Variants in MTOR observed in about 807,000 individuals in gnomAD.
The protein encoded by MTOR is mechanistic target of rapamycin kinase.
MTOR carries 70 observed loss-of-function variants against 319.8 expected under a neutral mutation model. That is an observed-to-expected ratio of 0.22 (90% CI 0.18 to 0.27). The LOEUF (loss-of-function observed/expected upper bound fraction) is 0.27. Ranked by LOEUF, MTOR falls within the 10% of genes least tolerant of loss-of-function variation. The pLI is 1.00. For synonymous variants in MTOR, 1,183 were observed against 1,211.4 expected, an observed-to-expected ratio of 0.98 and a Z score of 0.49; for missense variants, 1,890 against 3,274.4, an observed-to-expected ratio of 0.58 and a Z score of 10.32.
intron 37 of MTOR, among the ~76,000 whole-genome samples, chr1:11,134,143 G>A (rs1300598397): frequency 6.6e-6 from 1 of 152,196 alleles, no homozygotes; most frequent in Admixed American, 6.5e-5. Flanking sequence ...CAGCACATGG[G>A]TGCTCTTGGG....
At position 11,121,869 on chromosome 1, in the gene MTOR, T is replaced by A; in HGVS notation, c.6810+110A>T. 1 of 1,413,198 alleles carries A rather than the reference T, an allele frequency of 7.1e-7. No homozygotes were observed. The highest frequency in any genetic ancestry group is 9.6e-7 in the Non-Finnish European group (1 of 1,044,978). The allele number at this position is 1,413,198 out of a possible 1,614,324, so 87.5% of individuals were successfully genotyped here. Reference sequence around the variant, plus strand: ...ATTAAACCTTCTTCAAAGCTGATTCTCTCAAAGAGATTTTTCAGTGACAGA... The same window carrying A: ...ATTAAACCTTCTTCAAAGCTGATTCACTCAAAGAGATTTTTCAGTGACAGA... On this transcript the variant is annotated intron_variant, in intron 48 of 57. Coordinates refer to ENST00000361445, the MANE Select transcript of MTOR (RefSeq NM_004958.4). This position sits in a 1 kb window ranked among gnomAD's most constrained non-coding sequence, Gnocchi z 4.9.
intron 17 of MTOR, 40 bp from the exon 18 acceptor site, chr1:11,231,094 A>C: frequency 6.2e-7 from 1 of 1,613,978 alleles, no homozygotes; most frequent in Non-Finnish European, 8.5e-7. Context: ...AACATTCATC[A>C]CAACATGATT....
chr1:11,111,038 A>G (rs988795901), intron 54 of MTOR: 1 of 446,586 alleles, frequency 2.2e-6, no homozygotes, highest in African/African-American at 2.0e-5. Flanking sequence ...TCCCCCAGAG[A>G]CTGTGTGTCC....
intron 25 of MTOR, among the ~76,000 whole-genome samples, chr1:11,206,183 C>T (rs1227746795): frequency 1.3e-5 from 2 of 152,222 alleles, no homozygotes; most frequent in African/African-American, 4.8e-5. Context: ...TCCTTTCCTG[C>T]CCACAGATAC....
chr1:11,233,390 C>T lies in MTOR; in HGVS notation c.2421+8G>A, dbSNP rs1336287989. 1 of 1,613,160 alleles carries T rather than the reference C, an allele frequency of 6.2e-7. No individual in the cohort carries two copies. Among genetic ancestry groups the T allele is most frequent in the South Asian group, 1.1e-5 (1 of 91,034 alleles). On this transcript the variant is annotated splice_region_variant and intron_variant, in intron 15 of 57. Coordinates refer to ENST00000361445, the MANE Select transcript of MTOR (RefSeq NM_004958.4). ...TCTCCGCTATGGAAAAAGTAGCTGC[C>T]CCTTTACCTGTGCCAATTCTCCTAT...
Position 11,216,191 on chromosome 1 carries a change from C to T in MTOR, c.3074G>A (p.Ser1025Asn). The part of the protein sequence containing the change: ...QLGMLVSFVK[S>N]HIRPYMDEIV... The stretch of plus-strand genomic sequence containing the variant: ...TTCATCCATATAAGGTCTGATGTGG[C>T]TCTTCACAAAGGACACCAACATTCC... The change falls in exon 20 of 58, where the codon AGC (serine) becomes AAC (asparagine). Residue 1025 changes from serine (S) to asparagine (N), a missense_variant. Transcript: ENST00000361445. 1.9e-6 allele frequency: 3 copies of T among 1,614,024 alleles called. No homozygotes were observed. Among genetic ancestry groups the T allele is most frequent in the African/African-American group, 2.7e-5 (2 of 75,050 alleles).
At chr1:11,130,860 A>C (rs1643114494) in intron 38 of MTOR, 83 bp from the exon 39 acceptor site, 7 of 1,484,136 alleles carry the variant, frequency 4.7e-6, no homozygotes, top group Non-Finnish European at 9.0e-7. Flanking sequence ...GATGCTGAGG[A>C]ACAGCTGCTC....
chr1:11,246,763 TG>T (rs1419478956), intron 8 of MTOR, among the ~76,000 whole-genome samples: 1 of 152,210 alleles, frequency 6.6e-6, no homozygotes. Flanking sequence ...TGTTCAAGAC[TG>T]GGTGCCTACA....
chr1:11,157,014 G>T, intron 30 of MTOR, 138 bp downstream of exon 30: 1 of 1,133,462 alleles, frequency 8.8e-7, no homozygotes, highest in Non-Finnish European at 1.2e-6. Context: ...AGTGAAAGAT[G>T]ATTCCTGAGA....
intron 6 of MTOR, among the ~76,000 whole-genome samples, chr1:11,253,591 C>T (rs945798362): frequency 1.3e-5 from 2 of 152,172 alleles, no homozygotes; most frequent in Non-Finnish European, 2.9e-5. Flanking sequence ...ATGTGGACCC[C>T]CGTCAAATAA....
intron 29 of MTOR, among the ~76,000 whole-genome samples, chr1:11,166,399 A>C (rs1416115232): frequency 1.3e-5 from 2 of 152,246 alleles, no homozygotes; most frequent in Non-Finnish European, 2.9e-5. Flanking sequence ...CAAATTTACA[A>C]GAAAAAATCA....
intron 47 of MTOR, among the ~76,000 whole-genome samples, chr1:11,123,998 G>A (rs1642683855): frequency 6.6e-6 from 1 of 152,210 alleles, no homozygotes; most frequent in Non-Finnish European, 1.5e-5. Context: ...ATGTTGGCCA[G>A]GCTGGTCTCG....
intron 28 of MTOR, among the ~76,000 whole-genome samples, chr1:11,197,978 C>T (rs999846221): frequency 6.6e-6 from 1 of 152,172 alleles, no homozygotes; most frequent in African/African-American, 2.4e-5. Context: ...TTTTCTGCTA[C>T]AAATCTGCAT....
intron 33 of MTOR, 85 bp downstream of exon 33, chr1:11,144,883 G>T: frequency 6.5e-7 from 1 of 1,529,996 alleles, no homozygotes; most frequent in Non-Finnish European, 9.0e-7. Context: ...GTTTCCAGCA[G>T]CCTGTAAGTT....
Position 11,193,909 on chromosome 1 carries a change from T to C in MTOR, c.4253+5349A>G, listed in dbSNP as rs549022890. 1.1e-4 allele frequency: 114 copies of C among 1,020,542 alleles called. 2 individuals are homozygous for C. In the South Asian group the frequency reaches 1.8e-3, roughly 16 times the overall value. 63.2% of individuals were successfully genotyped at this position (1,020,542 alleles called of 1,614,324 possible). ...ATTGTGATGGTTTTCCTGCAAGTTG[T>C]AATGGAGTTGAGGAAAAATAGGTAT... On this transcript the variant is annotated intron_variant, in intron 28 of 57. Coordinates refer to ENST00000361445, the MANE Select transcript of MTOR (RefSeq NM_004958.4).
intron 28 of MTOR, chr1:11,192,154 G>T: frequency 1.3e-6 from 1 of 777,506 alleles, no homozygotes; most frequent in South Asian, 1.6e-5. Flanking sequence ...AGACACTGAT[G>T]GGTAATTAAC....
At chr1:11,171,392 T>C (rs1162613393) in intron 28 of MTOR, among the ~76,000 whole-genome samples, 2 of 151,828 alleles carry the variant, frequency 1.3e-5, no homozygotes, top group Non-Finnish European at 2.9e-5. Context: ...AGCAATCCTC[T>C]GGCCTCGGCC....
At chr1:11,221,631 A>G (rs2100826350) in intron 19 of MTOR, among the ~76,000 whole-genome samples, 1 of 151,076 alleles carries the variant, frequency 6.6e-6, no homozygotes, top group African/African-American at 2.4e-5. Flanking sequence ...AAAAGGACAC[A>G]ACAGCCAGGG....
At chr1:11,227,726 A>G (rs1646891751) in intron 19 of MTOR, among the ~76,000 whole-genome samples, 1 of 152,202 alleles carries the variant, frequency 6.6e-6, no homozygotes, top group South Asian at 2.1e-4. Context: ...AGCTAATAAA[A>G]TGGAGAAGGA....
Sources: allele counts gnomAD v4.1 joint callset (sites outside exome capture counted in the v4.1 genomes callset), GRCh38; gene constraint gnomAD v4.1.1; non-coding constraint Gnocchi (gnomAD v3.1); transcripts MANE v1.5; gene names NCBI Gene and HGNC (gene_info 2026-07-23, HGNC 2026-07-21).